Variants in KIAA0319 observed in about 807,000 individuals in gnomAD.
KIAA0319 encodes the protein dyslexia-associated protein KIAA0319.
KIAA0319 carries 83 observed loss-of-function variants against 108.4 expected under a neutral mutation model. The ratio of observed to expected loss-of-function variants is 0.77; its 90% CI spans 0.64 to 0.92. KIAA0319 has a LOEUF of 0.92. Ranked by LOEUF, KIAA0319 falls within the 40% of genes least tolerant of loss-of-function variation. The pLI is 0.00. For missense variants in KIAA0319, 1,195 were observed against 1,322.4 expected (o/e 0.90, Z 1.49); for synonymous variants, 484 against 510.4 (o/e 0.95, Z 0.70).
intron 13 of KIAA0319, among the ~76,000 whole-genome samples, chr6:24,568,442 T>A (rs148941831): frequency 2.9e-3 from 435 of 152,340 alleles, no homozygotes; most frequent in African/African-American, 9.9e-3. Context: ...GATATGGAAT[T>A]TGAAAACATC....
intron 1 of KIAA0319, among the ~76,000 whole-genome samples, chr6:24,615,373 A>G (rs891232053): frequency 6.6e-6 from 1 of 152,192 alleles, no homozygotes; most frequent in African/African-American, 2.4e-5. Context: ...TGACTATAGT[A>G]AGCTACCTTT....
intron 1 of KIAA0319, among the ~76,000 whole-genome samples, chr6:24,606,419 G>C (rs529454457): frequency 6.6e-6 from 1 of 152,122 alleles, no homozygotes; most frequent in South Asian, 2.1e-4. Flanking sequence ...GGTAAGGCTC[G>C]GGACTGGTGT....
chr6:24,591,221 T>C (rs1022837899), intron 3 of KIAA0319, among the ~76,000 whole-genome samples: 9 of 152,172 alleles, frequency 5.9e-5, no homozygotes, highest in African/African-American at 2.2e-4. Flanking sequence ...ATGTTTTCTT[T>C]CTCTTGTGTA....
In KIAA0319 at chr6:24,572,641, GA is replaced by G. The variant is rs775582096; in HGVS notation, c.1791del (p.Gln598SerfsTer2). On this transcript the variant is annotated frameshift_variant, in exon 11 of 21. Transcript: ENST00000378214. LOFTEE classifies it high-confidence loss of function. Reference protein sequence around the residue: ...LSAMQEGDYTFQLKVTDSSRQ... With the variant: ...LSAMQEGDYTXQLKVTDSSRQ... ...CTTGAAGAATCTGTCACCTTCAGCT[GA>G]AATGTATAATCTCCTTCCTGCATTG... is the stretch of plus-strand genomic sequence containing the variant. The G allele has an allele frequency of 6.2e-7, 1 of 1,614,006 alleles. No individual in the cohort carries two copies. Among genetic ancestry groups the G allele is most frequent in the Non-Finnish European group, 8.5e-7 (1 of 1,179,928 alleles).
Position 24,596,074 on chromosome 6 carries a change from T to A in KIAA0319, c.600A>T (p.Gly200=). 6.2e-7 allele frequency: 1 copy of A among 1,614,072 alleles called. No individual in the cohort carries two copies. Among genetic ancestry groups the A allele is most frequent in the South Asian group, 1.1e-5 (1 of 91,076 alleles). The change falls in exon 3 of 21, where the codon GGA becomes GGT. Residue 200 remains glycine, a synonymous_variant. Transcript: ENST00000378214. ...GSEGAFNSSV[G]DSPAVPAETQ... is the part of the protein sequence containing the mutation. ...TCTCCGCTGGCACCGCAGGACTGTC[T>A]CCAACAGAGGAGTTGAAGGCCCCCT...
intron 17 of KIAA0319, among the ~76,000 whole-genome samples, 187 bp from the exon 18 acceptor site, chr6:24,556,916 T>C (rs1197457869): frequency 6.6e-6 from 1 of 152,076 alleles, no homozygotes; most frequent in Non-Finnish European, 1.5e-5. Flanking sequence ...AGAAAGCAAA[T>C]GGCAGAAAAA....
intron 1 of KIAA0319, among the ~76,000 whole-genome samples, chr6:24,635,198 T>C (rs1776044566): frequency 6.6e-6 from 1 of 151,784 alleles, no homozygotes; most frequent in Admixed American, 6.6e-5. Context: ...CTCCACCTCC[T>C]GGGTTCACCT....
At chr6:24,575,972 T>A (rs1373184420) in intron 10 of KIAA0319, among the ~76,000 whole-genome samples, 1 of 152,206 alleles carries the variant, frequency 6.6e-6, no homozygotes. Context: ...GACCAGTGGA[T>A]GTAGACAAGA....
intron 1 of KIAA0319, among the ~76,000 whole-genome samples, chr6:24,641,788 T>C (rs1005611530): frequency 3.3e-5 from 5 of 151,932 alleles, no homozygotes; most frequent in African/African-American, 1.2e-4. Flanking sequence ...TCCCAGCACT[T>C]TGGGAGGCGG....
chr6:24,629,274 G>C (rs1775167056), intron 1 of KIAA0319, among the ~76,000 whole-genome samples: 1 of 152,020 alleles, frequency 6.6e-6, no homozygotes, highest in Non-Finnish European at 1.5e-5. Flanking sequence ...CCAGCACTTT[G>C]GGATGCCAAG....
At chr6:24,555,743 C>T (rs1222084581) in intron 18 of KIAA0319, among the ~76,000 whole-genome samples, 5 of 152,292 alleles carry the variant, frequency 3.3e-5, no homozygotes, top group Admixed American at 2.0e-4. Context: ...GCTTGCCCTG[C>T]TGTGGCTCCA....
At chr6:24,582,638 A>C (rs551991574) in intron 5 of KIAA0319, among the ~76,000 whole-genome samples, 1 of 142,818 alleles carries the variant, frequency 7.0e-6, no homozygotes, top group East Asian at 2.1e-4. Flanking sequence ...TCTTACAGGA[A>C]ATTTTTAAAA....
intron 20 of KIAA0319, among the ~76,000 whole-genome samples, chr6:24,549,345 AG>A (rs1288436015): frequency 2.7e-5 from 4 of 150,142 alleles, no homozygotes; most frequent in Non-Finnish European, 4.4e-5. Context: ...AAAAAAAAAA[AG>A]AGGCACCAGA....
intron 10 of KIAA0319, among the ~76,000 whole-genome samples, 178 bp from the exon 11 acceptor site, chr6:24,572,876 G>C (rs938935160): frequency 6.6e-6 from 1 of 152,138 alleles, no homozygotes; most frequent in Non-Finnish European, 1.5e-5. Flanking sequence ...AGCACTTTAG[G>C]AGGCCAAGGC....
In KIAA0319 at chr6:24,564,288, A is replaced by C. The variant is rs780797707; in HGVS notation, c.2345T>G (p.Val782Gly). 4 of 1,613,886 alleles carry C rather than the reference A, an allele frequency of 2.5e-6. No homozygotes were observed. In the African/African-American group the frequency reaches 4.0e-5, roughly 16 times the overall value. The part of the protein sequence containing the change: ...HSVALQLTNL[V>G]EGVYTFHLRV... Reference sequence around the variant, plus strand: ...CAAGTGGAAAGTGTACACCCCCTCCACCAGATTCGTAAGCTGCAGAGCCAC... The same window carrying C: ...CAAGTGGAAAGTGTACACCCCCTCCCCCAGATTCGTAAGCTGCAGAGCCAC... The change falls in exon 15 of 21, where the codon GTG (valine) becomes GGG (glycine). Residue 782 changes from valine to glycine, a missense_variant. Coordinates refer to ENST00000378214, the MANE Select transcript of KIAA0319 (RefSeq NM_014809.4).
intron 1 of KIAA0319, among the ~76,000 whole-genome samples, chr6:24,603,795 T>C (rs990048068): frequency 6.6e-6 from 1 of 152,166 alleles, no homozygotes; most frequent in African/African-American, 2.4e-5. Flanking sequence ...TCTCTTAAGA[T>C]GGTGTCTGGA....
intron 1 of KIAA0319, among the ~76,000 whole-genome samples, chr6:24,632,375 T>C (rs550411083): frequency 7.5e-6 from 1 of 132,860 alleles, no homozygotes; most frequent in Non-Finnish European, 1.6e-5. Context: ...GTTGAAGCTC[T>C]GTGGCTCACC....
At position 24,556,597 on chromosome 6, in the gene KIAA0319, C is replaced by T. The variant is rs1484433461; in HGVS notation, c.2857+10G>A. ...TCCTCACCCAAAGCCTCCTCTATAC[C>T]AGAACTCACCACAGTTGCTCTCTCC... On this transcript the variant is annotated intron_variant, in intron 18 of 20. Coordinates refer to ENST00000378214, the MANE Select transcript of KIAA0319 (RefSeq NM_014809.4). 2.5e-6 allele frequency: 4 copies of T among 1,613,088 alleles called. No individual in the cohort carries two copies. The highest frequency in any genetic ancestry group is 2.5e-6 in the Non-Finnish European group (3 of 1,179,518).
chr6:24,549,251 G>A (rs1246433062), intron 20 of KIAA0319, among the ~76,000 whole-genome samples: 1 of 150,872 alleles, frequency 6.6e-6, no homozygotes, highest in Non-Finnish European at 1.5e-5. Flanking sequence ...GCTTGAACCT[G>A]GGAGGCAGAG....
Sources: gnomAD v4.1 joint callset for allele counts (sites outside exome capture counted in the v4.1 genomes callset) on GRCh38, gnomAD v4.1.1 for gene constraint, MANE v1.5 for transcripts, NCBI Gene and HGNC (gene_info 2026-07-23, HGNC 2026-07-21) for gene names.